The following KCNAB1 variants were observed in gnomAD, a reference collection of about 807,000 sequenced individuals.
The protein encoded by KCNAB1 is voltage-gated potassium channel subunit beta-1.
Under a neutral mutation model 64.6 loss-of-function variants are expected in KCNAB1, and 35 were observed. That is an observed-to-expected ratio of 0.54 (90% CI 0.41 to 0.72). The LOEUF (loss-of-function observed/expected upper bound fraction) is 0.72. KCNAB1 is among the 30% of genes least tolerant of loss of function. KCNAB1 has a pLI of 0.00. For synonymous variants in KCNAB1, 177 were observed against 183.8 expected (o/e 0.96, Z 0.30); for missense variants, 401 against 512.9 (o/e 0.78, Z 2.11).
chr3:156,300,747 A>C (rs1258245041), intron 1 of KCNAB1, among the ~76,000 whole-genome samples: 1 of 152,200 alleles, frequency 6.6e-6, no homozygotes, highest in East Asian at 1.9e-4. Flanking sequence ...AATTCTTATG[A>C]GATATCAACT....
At chr3:156,357,904 A>G (rs1042642091) in intron 1 of KCNAB1, among the ~76,000 whole-genome samples, 3 of 151,522 alleles carry the variant, frequency 2.0e-5, no homozygotes, top group African/African-American at 7.3e-5. Context: ...TTTAGATGCT[A>G]AAGTTTTATG....
intron 1 of KCNAB1, among the ~76,000 whole-genome samples, chr3:156,214,358 G>T (rs887092494): frequency 6.6e-6 from 1 of 152,062 alleles, no homozygotes; most frequent in Non-Finnish European, 1.5e-5. Flanking sequence ...CCCTTAATCT[G>T]GGGGTCTATG....
chr3:156,221,438 T>C (rs1230183891), intron 1 of KCNAB1, among the ~76,000 whole-genome samples: 4 of 152,118 alleles, frequency 2.6e-5, no homozygotes, highest in Admixed American at 2.0e-4. Context: ...ATAGAAGGGA[T>C]TGGGGTCCTA....
At chr3:156,194,469 T>C (rs1228070302) in intron 1 of KCNAB1, among the ~76,000 whole-genome samples, 1 of 152,154 alleles carries the variant, frequency 6.6e-6, no homozygotes, top group Non-Finnish European at 1.5e-5. Context: ...TTGAATATAA[T>C]GTGTTTGTTC....
At chr3:156,128,757 C>G (rs1432624848) in intron 1 of KCNAB1, among the ~76,000 whole-genome samples, 1 of 152,086 alleles carries the variant, frequency 6.6e-6, no homozygotes, top group Non-Finnish European at 1.5e-5. Context: ...TTTTGGGGGG[C>G]ATGTGGAAAT....
intron 1 of KCNAB1, among the ~76,000 whole-genome samples, chr3:156,142,291 AT>A (rs1274134435): frequency 6.6e-6 from 1 of 152,052 alleles, no homozygotes; most frequent in Non-Finnish European, 1.5e-5. Flanking sequence ...CCTTTTATGG[AT>A]TGTGCTTTTG....
At chr3:156,354,318 A>G (rs1725087568) in intron 1 of KCNAB1, among the ~76,000 whole-genome samples, 1 of 151,198 alleles carries the variant, frequency 6.6e-6, no homozygotes, top group African/African-American at 2.4e-5. Flanking sequence ...ATGCACCACC[A>G]TGCCCAGCTA....
intron 1 of KCNAB1, among the ~76,000 whole-genome samples, chr3:156,202,015 G>A (rs1714364836): frequency 6.6e-6 from 1 of 152,152 alleles, no homozygotes; most frequent in Non-Finnish European, 1.5e-5. Flanking sequence ...GTCAGACAGG[G>A]CTCATCTCAT....
At chr3:156,156,220 T>C (rs576793710) in intron 1 of KCNAB1, among the ~76,000 whole-genome samples, 10 of 152,234 alleles carry the variant, frequency 6.6e-5, no homozygotes, top group African/African-American at 2.4e-4. Flanking sequence ...TCCCAGGAGT[T>C]GGGGGCAAGG....
intron 8 of KCNAB1, among the ~76,000 whole-genome samples, chr3:156,484,031 T>C (rs1032926169): frequency 3.9e-5 from 6 of 152,170 alleles, no homozygotes; most frequent in African/African-American, 9.6e-5. Context: ...TCCGCTTTCT[T>C]TGGAAATCAG....
chr3:156,511,444 C>G (rs532069510), intron 8 of KCNAB1, among the ~76,000 whole-genome samples: 5 of 152,196 alleles, frequency 3.3e-5, no homozygotes, highest in Admixed American at 1.3e-4. Context: ...CTCCATTTTT[C>G]ACATGTCCAA....
At chr3:156,331,749 C>G (rs1336304919) in intron 1 of KCNAB1, among the ~76,000 whole-genome samples, 6 of 151,990 alleles carry the variant, frequency 3.9e-5, no homozygotes, top group Admixed American at 3.9e-4. Flanking sequence ...ATGTCTATTT[C>G]CCAAATTCTT....
intron 1 of KCNAB1, among the ~76,000 whole-genome samples, chr3:156,375,980 C>T (rs188791230): frequency 2.0e-5 from 3 of 152,150 alleles, no homozygotes; most frequent in African/African-American, 2.4e-5. Context: ...CCAACATGCC[C>T]GCCTAATTTT....
rs1251012061 is a variant in KCNAB1, at chr3:156,144,469, G to A, written c.275+23583G>A. On this transcript the variant is annotated intron_variant, in intron 1 of 13. Coordinates refer to ENST00000490337, the MANE Select transcript of KCNAB1 (RefSeq NM_172160.3). ...CTCTATGTAATAAAAGGGTTGTGCA[G>A]AAAAGAAATGAACTCTTCTCAATTT... Among the ~76,000 whole-genome samples the A allele has an allele frequency of 2.6e-5, 4 of 152,204 alleles. No individual in the cohort carries two copies. The East Asian group carries it at 7.7e-4, about 29-fold the overall frequency.
chr3:156,353,482 T>A (rs923706508), intron 1 of KCNAB1, among the ~76,000 whole-genome samples: 1 of 152,254 alleles, frequency 6.6e-6, no homozygotes, highest in African/African-American at 2.4e-5. Context: ...CTTCAAAATT[T>A]AGCAGTTTCA....
At chr3:156,505,718 T>C (rs755537572) in intron 8 of KCNAB1, among the ~76,000 whole-genome samples, 61 of 152,208 alleles carry the variant, frequency 4.0e-4, no homozygotes, top group Non-Finnish European at 6.3e-4. Flanking sequence ...AATTGGCTCA[T>C]GGAGCTGCAG....
rs1398938044 is a variant in KCNAB1 at position 156,465,747 on chromosome 3, A to G, written c.571+61A>G. ...GGGCCCCTCATTCAAGAAAGGTATC[A>G]ACCAAACAAATTCAGAACACACTGG... On this transcript the variant is annotated intron_variant, in intron 7 of 13. Transcript: ENST00000490337. 13 of 1,362,138 alleles carry G rather than the reference A, an allele frequency of 9.5e-6. No homozygotes were observed. In the Admixed American group the frequency reaches 2.2e-4, roughly 23 times the overall value. The allele number at this position is 1,362,138 out of a possible 1,614,324, so 84.4% of individuals were successfully genotyped here. A position where few individuals can be genotyped will look rare whatever the true frequency, so the allele number is the denominator to read the frequency against.
intron 1 of KCNAB1, among the ~76,000 whole-genome samples, chr3:156,379,924 A>G (rs1293250560): frequency 6.6e-6 from 1 of 152,186 alleles, no homozygotes; most frequent in Non-Finnish European, 1.5e-5. Flanking sequence ...TTACTTCACC[A>G]TGCGGTGGAT....
At chr3:156,538,942 T>C (rs1719269394), downstream of KCNAB1, 1 of 152,172 alleles carries the variant, frequency 6.6e-6, no homozygotes, top group Admixed American at 6.5e-5. Context: ...AAACCAAATA[T>C]AAATATTATG....
Sources: allele counts gnomAD v4.1 joint callset (sites outside exome capture counted in the v4.1 genomes callset), GRCh38; gene constraint gnomAD v4.1.1; transcripts MANE v1.5; gene names NCBI Gene and HGNC (gene_info 2026-07-23, HGNC 2026-07-21).